RAB30: variants seen among roughly 807,000 people sequenced by gnomAD.
RAB30 encodes ras-related protein Rab-30.
RAB30 carries 9 observed loss-of-function variants against 25.1 expected under a neutral mutation model. The ratio of observed to expected loss-of-function variants is 0.36; its 90% CI spans 0.22 to 0.63. The LOEUF (loss-of-function observed/expected upper bound fraction) is 0.63. Among genes scored for constraint, RAB30 ranks in the 20% least tolerant of loss-of-function variants. The pLI is 0.69. For missense variants in RAB30, 140 were observed against 243.5 expected, an observed-to-expected ratio of 0.58 and a Z score of 2.83; for synonymous variants, 77 against 86.4, an observed-to-expected ratio of 0.89 and a Z score of 0.60.
At chr11:82,986,406 TC>T (rs1856739447) in intron 4 of RAB30, among the ~76,000 whole-genome samples, 1 of 152,224 alleles carries the variant, frequency 6.6e-6, no homozygotes, top group Non-Finnish European at 1.5e-5. Context: ...ACTAACTGTC[TC>T]CCCTCAAATC....
intron 1 of RAB30, among the ~76,000 whole-genome samples, chr11:83,016,148 A>AAAAC (rs1219653749): frequency 1.3e-5 from 2 of 152,110 alleles, no homozygotes; most frequent in South Asian, 2.1e-4. Flanking sequence ...AAAACAAAAT[A>AAAAC]AAACAAACAA....
chr11:83,055,441 C>A lies in RAB30; in HGVS notation c.-9+16250G>T, dbSNP rs556350546. Reference sequence around the variant, plus strand: ...TGTCTATAACTTTGCTCACTGTTCCCTTCCCCTGAGTTGCCCTTCTCACCT... The same window carrying A: ...TGTCTATAACTTTGCTCACTGTTCCATTCCCCTGAGTTGCCCTTCTCACCT... On this transcript the variant is annotated intron_variant, in intron 1 of 4. Coordinates refer to ENST00000527633, the MANE Select transcript of RAB30 (RefSeq NM_001286060.2). Among the ~76,000 whole-genome samples the A allele has an allele frequency of 3.3e-5, 5 of 152,342 alleles. No homozygotes were observed. In the South Asian group the frequency reaches 1.0e-3, roughly 32 times the overall value.
intron 1 of RAB30, among the ~76,000 whole-genome samples, chr11:83,057,321 A>C (rs1192643621): frequency 2.0e-5 from 3 of 152,098 alleles, no homozygotes. Context: ...ATATATTTTA[A>C]TCTCTCTCAA....
intron 1 of RAB30, among the ~76,000 whole-genome samples, chr11:83,061,710 C>CTTTTTTTTTTTTT: frequency 1.3e-5 from 1 of 79,878 alleles, no homozygotes; most frequent in South Asian, 4.5e-4. Context: ...TCTTTCTTTT[C>CTTTTTTTTTTTTT]TTTTTTTTTT....
chr11:82,983,361 TA>T (rs973485006), intron 4 of RAB30, among the ~76,000 whole-genome samples: 3 of 152,168 alleles, frequency 2.0e-5, no homozygotes, highest in Non-Finnish European at 4.4e-5. Context: ...AAGCAATCCC[TA>T]AAAACTGAGA....
chr11:82,983,731 G>A (rs905401234), intron 4 of RAB30, among the ~76,000 whole-genome samples: 2 of 151,936 alleles, frequency 1.3e-5, no homozygotes, highest in Non-Finnish European at 2.9e-5. Context: ...CCACCGAGCC[G>A]GGCCAACAGA....
chr11:83,036,843 C>T (rs913775304), intron 1 of RAB30, among the ~76,000 whole-genome samples: 7 of 152,072 alleles, frequency 4.6e-5, no homozygotes, highest in East Asian at 1.9e-4. Context: ...AAAGGCTTGG[C>T]GTGTCCAAGG....
intron 1 of RAB30, among the ~76,000 whole-genome samples, chr11:83,025,627 A>G (rs775145890): frequency 6.6e-6 from 1 of 152,242 alleles, no homozygotes; most frequent in Non-Finnish European, 1.5e-5. Context: ...TGATACAAAG[A>G]AAAATAACGT....
At chr11:83,049,642 T>C (rs760685344) in intron 1 of RAB30, among the ~76,000 whole-genome samples, 30 of 151,626 alleles carry the variant, frequency 2.0e-4, no homozygotes, top group Non-Finnish European at 3.2e-4. Context: ...CCACCATGCC[T>C]GGTTAATTTT....
chr11:83,041,183 GAAA>G (rs1565286718), intron 1 of RAB30: 2 of 146,232 alleles, frequency 1.4e-5, no homozygotes, highest in Non-Finnish European at 3.0e-5. Flanking sequence ...GAGACAGAGT[GAAA>G]CTCTGTCTCA....
chr11:83,057,285 T>C (rs895484901), intron 1 of RAB30, among the ~76,000 whole-genome samples: 1 of 152,028 alleles, frequency 6.6e-6, no homozygotes, highest in Admixed American at 6.6e-5. Flanking sequence ...AAAAAATAGA[T>C]TTTTATTACT....
intron 4 of RAB30, among the ~76,000 whole-genome samples, chr11:82,983,133 A>C (rs1856673729): frequency 1.3e-5 from 2 of 152,130 alleles, no homozygotes; most frequent in Admixed American, 1.3e-4. Flanking sequence ...GAAGGATATG[A>C]ATACATATAT....
At chr11:83,027,464 G>T (rs1451408481) in intron 1 of RAB30, among the ~76,000 whole-genome samples, 1 of 152,098 alleles carries the variant, frequency 6.6e-6, no homozygotes, top group South Asian at 2.1e-4. Flanking sequence ...CTCTTTGCTG[G>T]TGAATGTACC....
intron 1 of RAB30, among the ~76,000 whole-genome samples, chr11:82,998,757 G>A (rs928472244): frequency 1.3e-5 from 2 of 151,980 alleles, no homozygotes; most frequent in Non-Finnish European, 2.9e-5. Context: ...CAGTGCAAGA[G>A]TGGAGCTCTT....
chr11:83,002,786 C>T (rs893472868), intron 1 of RAB30, among the ~76,000 whole-genome samples: 5 of 152,216 alleles, frequency 3.3e-5, no homozygotes, highest in African/African-American at 4.8e-5. Flanking sequence ...GAGTGGGACT[C>T]TGTCGATAAA....
At chr11:83,017,643 T>G (rs1390892981) in intron 1 of RAB30, among the ~76,000 whole-genome samples, 1 of 152,196 alleles carries the variant, frequency 6.6e-6, no homozygotes, top group East Asian at 1.9e-4. Context: ...AATTTTCCAT[T>G]CCTGAATTAT....
intron 1 of RAB30, chr11:83,060,035 A>T (rs1487803841): frequency 6.6e-6 from 1 of 151,742 alleles, no homozygotes; most frequent in Non-Finnish European, 1.5e-5. Context: ...ACATTGTGAA[A>T]CCCCATCTTT....
chr11:83,000,535 T>C (rs1000338247), intron 1 of RAB30, among the ~76,000 whole-genome samples: 2 of 152,214 alleles, frequency 1.3e-5, no homozygotes, highest in African/African-American at 4.8e-5. Context: ...CACAACTCTC[T>C]GCTTTCATAA....
chr11:83,030,016 A>G (rs1021482216), intron 1 of RAB30, among the ~76,000 whole-genome samples: 2 of 152,170 alleles, frequency 1.3e-5, no homozygotes, highest in Non-Finnish European at 2.9e-5. Context: ...ACAGAGCAAT[A>G]TAATGAAATT....
Sources: allele counts gnomAD v4.1 joint callset (sites outside exome capture counted in the v4.1 genomes callset), GRCh38; gene constraint gnomAD v4.1.1; transcripts MANE v1.5; gene names NCBI Gene and HGNC (gene_info 2026-07-23, HGNC 2026-07-21).